ZNHIT6: variants seen among roughly 807,000 people sequenced by gnomAD.
The protein encoded by ZNHIT6 is box C/D snoRNA protein 1.
Under a neutral mutation model 57.2 loss-of-function variants are expected in ZNHIT6, and 45 were observed. The ratio of observed to expected loss-of-function variants is 0.79; its 90% CI spans 0.62 to 1.01. The LOEUF (loss-of-function observed/expected upper bound fraction) is 1.01, where lower values mean the gene tolerates loss of function less well. ZNHIT6 is among the 50% of genes least tolerant of loss of function. ZNHIT6 has a pLI of 0.00. For synonymous variants in ZNHIT6, 188 were observed against 190.0 expected (o/e 0.99, Z 0.09); for missense variants, 528 against 567.3 (o/e 0.93, Z 0.70).
rs2100683105 is a variant in ZNHIT6, at chr1:85,680,879, T to C, written c.1045A>G (p.Lys349Glu). The change falls in exon 6 of 10, where the codon AAG (lysine) becomes GAG (glutamate). Residue 349 changes from lysine (K) to glutamate (E), a missense_variant. Lys to Glu is a moderately conservative substitution (Grantham distance 56, BLOSUM62 1). Coordinates refer to ENST00000370574, the MANE Select transcript of ZNHIT6 (RefSeq NM_017953.4). The part of the protein sequence containing the change: ...KKKQQFCWHV[K>E]LQFPQSQAEY... ...GCTTGACTTTGAGGAAACTGGAGCT[T>C]CACATGCCAACAAAACTGTTGTTTT... is the stretch of plus-strand genomic sequence containing the variant. The C allele has an allele frequency of 6.2e-7, 1 of 1,612,832 alleles. No homozygotes were observed. The highest frequency in any genetic ancestry group is 1.7e-4 in the Middle Eastern group (1 of 6,056).
chr1:85,677,580 A>G (rs1661740398), intron 7 of ZNHIT6, among the ~76,000 whole-genome samples: 1 of 152,358 alleles, frequency 6.6e-6, no homozygotes, highest in South Asian at 2.1e-4. Flanking sequence ...CTATTCAGTG[A>G]CATTTTGTCT....
intron 5 of ZNHIT6, among the ~76,000 whole-genome samples, chr1:85,687,314 A>AAAAAAAT (rs1662090622): frequency 6.9e-6 from 1 of 144,698 alleles, no homozygotes; most frequent in Non-Finnish European, 1.5e-5. Context: ...AAAAAAAACA[A>AAAAAAAT]TTTAGAACCC....
intron 5 of ZNHIT6, among the ~76,000 whole-genome samples, chr1:85,683,616 T>C (rs1189011341): frequency 6.6e-6 from 1 of 152,208 alleles, no homozygotes; most frequent in East Asian, 1.9e-4. Flanking sequence ...CTGTAAGTCC[T>C]GACATGTGTT....
chr1:85,678,094 T>C (rs1446183292), intron 7 of ZNHIT6, among the ~76,000 whole-genome samples: 1 of 152,172 alleles, frequency 6.6e-6, no homozygotes, highest in Non-Finnish European at 1.5e-5. Flanking sequence ...ACACAGCTAA[T>C]AAGGGACAGA....
At position 85,680,439 on chromosome 1, in the gene ZNHIT6, G is replaced by T. The variant is rs548807897; in HGVS notation, c.1088+397C>A. On this transcript the variant is annotated intron_variant, in intron 6 of 9. Coordinates refer to ENST00000370574, the MANE Select transcript of ZNHIT6 (RefSeq NM_017953.4). The stretch of plus-strand genomic sequence containing the variant: ...CTGAAGAAATAGGAAACTTTCAGCC[G>T]TCTAATTCTCCTCGGATCCCTCTCC... Among the ~76,000 whole-genome samples, 9 of 152,182 alleles carry T rather than the reference G, an allele frequency of 5.9e-5. No homozygotes were observed. The East Asian group carries it at 1.4e-3, about 23-fold the overall frequency.
Position 85,653,817 on chromosome 1 carries a change from C to T in ZNHIT6, c.*241G>A. ...ATTAAGCATATTAAAAAGCCAGGGC[C>T]TAATAAGTACTATGCTGATCAAGTG... On this transcript the variant is annotated 3_prime_UTR_variant, in exon 10 of 10. Coordinates refer to ENST00000370574, the MANE Select transcript of ZNHIT6 (RefSeq NM_017953.4). 1 of 396,314 alleles carries T rather than the reference C, an allele frequency of 2.5e-6. No individual in the cohort carries two copies. Among genetic ancestry groups the T allele is most frequent in the Non-Finnish European group, 4.4e-6 (1 of 225,438 alleles). 24.5% of individuals were successfully genotyped at this position (396,314 alleles called of 1,614,324 possible).
At position 85,702,199 on chromosome 1, in the gene ZNHIT6, C is replaced by A. The variant is rs1557875244; in HGVS notation, c.977G>T (p.Gly326Val). Residue 326 changes from glycine (G) to valine (V), a missense_variant, in exon 5 of 10, where the codon GGA becomes GTA. Coordinates refer to ENST00000370574, the MANE Select transcript of ZNHIT6 (RefSeq NM_017953.4). ...TGAATTCTCCTTCCTCTTGGTGAATCCATTGGGTAGAAGTTTTAAGTTAAT... is the reference window on the plus strand; with the variant it reads ...TGAATTCTCCTTCCTCTTGGTGAATACATTGGGTAGAAGTTTTAAGTTAAT... The part of the protein sequence containing the change: ...QGINLKLLPN[G>V]FTKRKENSTF... 6.2e-7 allele frequency: 1 copy of A among 1,611,034 alleles called. No homozygotes were observed. Among genetic ancestry groups the A allele is most frequent in the Admixed American group, 1.7e-5 (1 of 59,412 alleles).
At chr1:85,678,258 T>C (rs1661762862) in intron 7 of ZNHIT6, among the ~76,000 whole-genome samples, 1 of 152,190 alleles carries the variant, frequency 6.6e-6, no homozygotes. Flanking sequence ...GTCTTTAAGT[T>C]ACTTGGAAAC....
chr1:85,677,828 C>A (rs188416787), intron 7 of ZNHIT6, among the ~76,000 whole-genome samples: 1 of 152,286 alleles, frequency 6.6e-6, no homozygotes, highest in African/African-American at 2.4e-5. Flanking sequence ...ACCAAGCACT[C>A]ATTCACATCC....
chr1:85,683,731 A>G (rs796219330), intron 5 of ZNHIT6, among the ~76,000 whole-genome samples: 1 of 152,158 alleles, frequency 6.6e-6, no homozygotes, highest in Non-Finnish European at 1.5e-5. Context: ...AATCCTAGCA[A>G]CATTACTTGG....
At chr1:85,680,997 C>T (rs2100683451) in intron 5 of ZNHIT6, 93 bp from the exon 6 acceptor site, 1 of 814,250 alleles carries the variant, frequency 1.2e-6, no homozygotes, top group Non-Finnish European at 1.9e-6. Context: ...AAGATAATTC[C>T]AAAATTATTC....
At chr1:85,687,305 A>AAAAAAC (rs1662087217) in intron 5 of ZNHIT6, among the ~76,000 whole-genome samples, 4 of 145,898 alleles carry the variant, frequency 2.7e-5, no homozygotes, top group Non-Finnish European at 6.0e-5. Flanking sequence ...AAAACAAAAA[A>AAAAAAC]AAAAAACAAT....
At chr1:85,658,015 A>G in intron 8 of ZNHIT6, 44 bp from the exon 9 acceptor site, 1 of 1,301,842 alleles carries the variant, frequency 7.7e-7, no homozygotes, top group Non-Finnish European at 1.0e-6. Flanking sequence ...CACTCTTAAT[A>G]TTCAAAATTA....
chr1:85,686,974 A>G (rs1662058900), intron 5 of ZNHIT6, among the ~76,000 whole-genome samples: 1 of 152,018 alleles, frequency 6.6e-6, no homozygotes, highest in Non-Finnish European at 1.5e-5. Flanking sequence ...TAAATAATAT[A>G]TCAAGAGTTT....
At position 85,651,014 on chromosome 1, in the gene ZNHIT6, A is replaced by G. The variant is rs1660889819; in HGVS notation, c.*3044T>C. On this transcript the variant is annotated 3_prime_UTR_variant, in exon 10 of 10. Transcript: ENST00000370574. ...TAACAGTATATGATTAAATAAAAAT[A>G]GACCAGCATCTTTATGTAAAATTTA... 6.6e-6 allele frequency: 1 copy of G among 152,240 alleles called. No individual in the cohort carries two copies. The highest frequency in any genetic ancestry group is 2.4e-5 in the African/African-American group (1 of 41,468). 9.4% of individuals were successfully genotyped at this position (152,240 alleles called of 1,614,324 possible).
At chr1:85,693,423 AAAAC>A (rs541719136) in intron 5 of ZNHIT6, among the ~76,000 whole-genome samples, 352 of 152,302 alleles carry the variant, frequency 2.3e-3, no homozygotes, top group African/African-American at 6.9e-3. Context: ...AATAAACTAA[AAAAC>A]AAACAGTGCA....
intron 9 of ZNHIT6, 139 bp downstream of exon 9, chr1:85,657,708 A>G (rs1661099623): frequency 1.3e-6 from 1 of 768,100 alleles, no homozygotes. Flanking sequence ...CTGGTTCTTC[A>G]CATTAACTAG....
intron 5 of ZNHIT6, among the ~76,000 whole-genome samples, chr1:85,683,921 AAC>A (rs1409653204): frequency 6.6e-6 from 1 of 152,006 alleles, no homozygotes; most frequent in Non-Finnish European, 1.5e-5. Context: ...TTCCACTAGG[AAC>A]ACTCATACAC....
chr1:85,695,774 C>T (rs1207466104), intron 5 of ZNHIT6, among the ~76,000 whole-genome samples: 1 of 152,252 alleles, frequency 6.6e-6, no homozygotes, highest in South Asian at 2.1e-4. Context: ...CGGTGGCTCA[C>T]GCCTTTAATC....
Sources: allele counts gnomAD v4.1 joint callset (sites outside exome capture counted in the v4.1 genomes callset), GRCh38; gene constraint gnomAD v4.1.1; transcripts MANE v1.5; gene names NCBI Gene and HGNC (gene_info 2026-07-23, HGNC 2026-07-21).